Variants in CSMD1 observed in about 807,000 individuals in gnomAD.
CSMD1 encodes CUB and Sushi multiple domains 1.
Under a neutral mutation model 417.5 loss-of-function variants are expected in CSMD1, and 213 were observed. The ratio of observed to expected loss-of-function variants is 0.51; its 90% CI spans 0.46 to 0.57. CSMD1 has a LOEUF of 0.57. CSMD1 is among the 20% of genes least tolerant of loss of function. The pLI is 0.00. For synonymous variants in CSMD1, 2,862 were observed against 1,736.8 expected (o/e 1.65, Z -16.11); for missense variants, 6,923 against 4,529.7 (o/e 1.53, Z -15.17).
rs912912650 is a variant in CSMD1, at chr8:4,429,831, C to T, written c.303-9766G>A. Among the ~76,000 whole-genome samples, 15 of 152,048 alleles carry T rather than the reference C, an allele frequency of 9.9e-5. No individual in the cohort carries two copies. The East Asian group carries it at 1.5e-3, about 16-fold the overall frequency. On this transcript the variant is annotated intron_variant, in intron 2 of 69. Transcript: ENST00000635120. ...CATCATACCCAGGATCTCATTGGCT[C>T]GGGAAGAAATCCACGCCCATTCAGT...
chr8:4,348,642 G>A (rs1800914276), intron 3 of CSMD1, among the ~76,000 whole-genome samples: 1 of 130,834 alleles, frequency 7.6e-6, no homozygotes, highest in Non-Finnish European at 1.6e-5. Context: ...AGGGGGAGAG[G>A]GAGGGGGAGA....
chr8:4,026,277 T>C (rs1382868313), intron 4 of CSMD1, among the ~76,000 whole-genome samples: 1 of 152,196 alleles, frequency 6.6e-6, no homozygotes, highest in African/African-American at 2.4e-5. Context: ...GGAACGCAAT[T>C]TGAAGTCATA....
At chr8:4,928,936 T>G (rs1807055370) in intron 1 of CSMD1, among the ~76,000 whole-genome samples, 1 of 152,076 alleles carries the variant, frequency 6.6e-6, no homozygotes, top group Non-Finnish European at 1.5e-5. Context: ...CCAGGCAGGT[T>G]GGTACATGCC....
chr8:4,357,362 T>A (rs1316711371), intron 3 of CSMD1, among the ~76,000 whole-genome samples: 1 of 152,214 alleles, frequency 6.6e-6, no homozygotes, highest in Non-Finnish European at 1.5e-5. Flanking sequence ...ATCGTAGAGC[T>A]GAGCCCACTG....
chr8:3,321,408 C>G (rs1012117900), intron 23 of CSMD1, among the ~76,000 whole-genome samples: 3 of 152,162 alleles, frequency 2.0e-5, no homozygotes, highest in Non-Finnish European at 4.4e-5. Flanking sequence ...CTGTCCTACC[C>G]TACCCTGCAT....
intron 3 of CSMD1, among the ~76,000 whole-genome samples, chr8:4,237,663 G>A (rs568610499): frequency 1.6e-4 from 25 of 152,106 alleles, no homozygotes; most frequent in African/African-American, 5.5e-4. Flanking sequence ...CTGGAGGTGT[G>A]CACCACCATG....
intron 7 of CSMD1, among the ~76,000 whole-genome samples, chr8:3,627,556 C>T (rs1016246833): frequency 6.6e-6 from 1 of 152,072 alleles, no homozygotes; most frequent in African/African-American, 2.4e-5. Flanking sequence ...ACATTACTTA[C>T]AGGTATCTGT....
intron 11 of CSMD1, among the ~76,000 whole-genome samples, chr8:3,480,188 A>C (rs1817657042): frequency 6.6e-6 from 1 of 151,910 alleles, no homozygotes; most frequent in Admixed American, 6.6e-5. Context: ...GTGAAACCCC[A>C]TCTTTATTAA....
At chr8:3,598,390 G>A (rs1448618611) in intron 8 of CSMD1, 3 of 152,132 alleles carry the variant, frequency 2.0e-5, no homozygotes, top group Non-Finnish European at 2.9e-5. Flanking sequence ...TAATGCTCAC[G>A]TCAGTCTCTA....
chr8:4,068,580 G>A lies in CSMD1; in HGVS notation c.416-36481C>T, dbSNP rs115375686. Among the ~76,000 whole-genome samples, 1,175 of 152,182 alleles carry A rather than the reference G, an allele frequency of 7.7e-3. 19 individuals are homozygous for A. The highest frequency in any genetic ancestry group is 0.027 in the African/African-American group (1,116 of 41,510). ...GAGGCCACTGGACCTTCTCAAATGA[G>A]GTGTTTGTAATGATTGCAGAAAACA... On this transcript the variant is annotated intron_variant, in intron 3 of 69. Transcript: ENST00000635120.
intron 42 of CSMD1, among the ~76,000 whole-genome samples, chr8:3,114,023 G>C (rs1376829099): frequency 7.2e-5 from 11 of 152,120 alleles, no homozygotes; most frequent in Non-Finnish European, 1.6e-4. Flanking sequence ...TTCGAGACTA[G>C]TCTGGGCAAT....
chr8:4,073,817 T>A (rs1799683825), intron 3 of CSMD1, among the ~76,000 whole-genome samples: 1 of 152,054 alleles, frequency 6.6e-6, no homozygotes, highest in Non-Finnish European at 1.5e-5. Flanking sequence ...TATTAATTGG[T>A]TGAAAATTGC....
intron 3 of CSMD1, among the ~76,000 whole-genome samples, chr8:4,390,425 T>C (rs924307038): frequency 1.2e-4 from 18 of 152,130 alleles, no homozygotes; most frequent in African/African-American, 2.2e-4. Context: ...TATAGAGATA[T>C]GATAAATGAC....
chr8:4,709,627 C>T (rs946030487), intron 1 of CSMD1, among the ~76,000 whole-genome samples: 7 of 152,120 alleles, frequency 4.6e-5, no homozygotes, highest in Non-Finnish European at 8.8e-5. Flanking sequence ...ATAAAACTGG[C>T]CAGGAGCCCA....
At chr8:4,805,378 G>C (rs1416589244) in intron 1 of CSMD1, among the ~76,000 whole-genome samples, 1 of 152,104 alleles carries the variant, frequency 6.6e-6, no homozygotes, top group South Asian at 2.1e-4. Flanking sequence ...TATTCTCATG[G>C]TGATCTAATG....
At chr8:3,258,055 A>T (rs1006403145) in intron 26 of CSMD1, among the ~76,000 whole-genome samples, 10 of 152,302 alleles carry the variant, frequency 6.6e-5, no homozygotes, top group East Asian at 3.9e-4. Context: ...GTAGACAGAC[A>T]GGGCCCCATT....
At chr8:3,897,574 A>T (rs976905619) in intron 5 of CSMD1, among the ~76,000 whole-genome samples, 3 of 145,236 alleles carry the variant, frequency 2.1e-5, no homozygotes, top group African/African-American at 7.5e-5. Context: ...CTACCTCAGT[A>T]AAAAAAAAAA....
chr8:4,820,173 C>G (rs1799440061), intron 1 of CSMD1, among the ~76,000 whole-genome samples: 1 of 152,108 alleles, frequency 6.6e-6, no homozygotes. Flanking sequence ...ACTCAACAAG[C>G]TGCATTTAGG....
chr8:4,047,259 A>C (rs1467363034), intron 3 of CSMD1, among the ~76,000 whole-genome samples: 1 of 152,162 alleles, frequency 6.6e-6, no homozygotes, highest in Non-Finnish European at 1.5e-5. Flanking sequence ...AGTGGTAGGC[A>C]CATGTATTCT....
Sources: gnomAD v4.1 joint callset for allele counts (sites outside exome capture counted in the v4.1 genomes callset) on GRCh38, gnomAD v4.1.1 for gene constraint, MANE v1.5 for transcripts, NCBI Gene and HGNC (gene_info 2026-07-23, HGNC 2026-07-21) for gene names.